Variants in BEAN1 observed in about 807,000 individuals in gnomAD.
BEAN1 encodes the protein protein BEAN1.
BEAN1 carries 17 observed loss-of-function variants against 17.7 expected under a neutral mutation model. The ratio of observed to expected loss-of-function variants is 0.96; its 90% confidence interval spans 0.66 to 1.44. The LOEUF (loss-of-function observed/expected upper bound fraction) is 1.44, where lower values mean the gene tolerates loss of function less well. Ranked by LOEUF, BEAN1 falls within the 40% of genes most tolerant of loss-of-function variation. The probability of loss-of-function intolerance (pLI) is 0.00; values close to 1 mark genes in which losing one functional copy is unlikely to be tolerated. For synonymous variants in BEAN1, 142 were observed against 151.8 expected (o/e 0.94, Z 0.47); for missense variants, 359 against 374.1 (o/e 0.96, Z 0.33).
At chr16:66,444,190 C>T (rs1333540037) in intron 2 of BEAN1, among the ~76,000 whole-genome samples, 1 of 152,184 alleles carries the variant, frequency 6.6e-6, no homozygotes, top group East Asian at 1.9e-4. Context: ...GGCTCTTCCC[C>T]TGTGTCCACC....
intron 2 of BEAN1, among the ~76,000 whole-genome samples, chr16:66,454,052 G>A (rs1962777943): frequency 1.3e-5 from 2 of 152,078 alleles, no homozygotes; most frequent in African/African-American, 4.8e-5. Flanking sequence ...TAAGTAGTTG[G>A]GGTTTTCCCG....
At chr16:66,464,730 T>C (rs1963204423) in intron 2 of BEAN1, among the ~76,000 whole-genome samples, 2 of 152,364 alleles carry the variant, frequency 1.3e-5, no homozygotes, top group Admixed American at 6.5e-5. Flanking sequence ...ATAAATATAT[T>C]ATTGATTTTT....
At position 66,480,646 on chromosome 16, in the gene BEAN1, A is replaced by G. The variant is rs141546513; in HGVS notation, c.501A>G (p.Pro167=). ...TQLYVPTDAP[P]PYSLTDSCPT... is the part of the protein sequence containing the mutation. Reference sequence around the variant, plus strand: ...TGTATGTCCCCACGGACGCACCACCACCCTACTCGCTGACTGATTCCTGCC... The same window carrying G: ...TGTATGTCCCCACGGACGCACCACCGCCCTACTCGCTGACTGATTCCTGCC... The change falls in exon 5 of 5, where the codon CCA becomes CCG. Residue 167 remains proline (P), a synonymous_variant. Coordinates refer to ENST00000536005, the MANE Select transcript of BEAN1 (RefSeq NM_001178020.3). The G allele has an allele frequency of 1.4e-3, 2,168 of 1,551,428 alleles. 3 individuals carry two copies. Among genetic ancestry groups the G allele is most frequent in the Non-Finnish European group, 1.8e-3 (2,016 of 1,146,836 alleles).
intron 3 of BEAN1, among the ~76,000 whole-genome samples, chr16:66,470,505 G>C (rs1368525332): frequency 6.6e-6 from 1 of 152,162 alleles, no homozygotes; most frequent in East Asian, 1.9e-4. Flanking sequence ...GGAATGGAAA[G>C]ATAAATAGGT....
Position 66,469,883 on chromosome 16 carries a change from C to T in BEAN1, c.289+18C>T. On this transcript the variant is annotated intron_variant, in intron 3 of 4. Transcript: ENST00000536005. ...CGGCTACGGTGAGCCGCCGCCCACC[C>T]TGGGGCCCTGGGACCTCATCTGACT... 6.5e-7 allele frequency: 1 copy of T among 1,529,736 alleles called. No homozygotes were observed. Among genetic ancestry groups the T allele is most frequent in the Non-Finnish European group, 8.7e-7 (1 of 1,143,888 alleles). 94.8% of individuals were successfully genotyped at this position (1,529,736 alleles called of 1,614,324 possible).
intron 4 of BEAN1, among the ~76,000 whole-genome samples, chr16:66,491,961 G>A (rs1294257989): frequency 6.6e-6 from 1 of 152,194 alleles, no homozygotes; most frequent in African/African-American, 2.4e-5. Context: ...GAGGAAAGAT[G>A]AACCAAGGTG....
rs751427092 is a variant in BEAN1 at position 66,471,124 on chromosome 16, G to C, written c.289+1259G>C. On this transcript the variant is annotated intron_variant, in intron 3 of 4. Transcript: ENST00000536005. This position sits in a 1 kb window ranked among gnomAD's most constrained non-coding sequence, Gnocchi z 4.7. ...TTTTAAAATAGATTGAATTGGATCC[G>C]ATCAGCCCTGGCCTTTGGGGCCCCT... Among the ~76,000 whole-genome samples, 3 of 152,236 alleles carry C rather than the reference G, an allele frequency of 2.0e-5. No individual in the cohort carries two copies. The highest frequency in any genetic ancestry group is 2.0e-4 in the Admixed American group (3 of 15,280).
At chr16:66,441,858 C>G (rs1054133565) in intron 2 of BEAN1, among the ~76,000 whole-genome samples, 1 of 152,166 alleles carries the variant, frequency 6.6e-6, no homozygotes, top group Admixed American at 6.5e-5. Flanking sequence ...GGGCTGACCC[C>G]TCCTAGGCAC....
chr16:66,446,828 TTC>T (rs1233979507), intron 2 of BEAN1, among the ~76,000 whole-genome samples: 4 of 152,064 alleles, frequency 2.6e-5, no homozygotes, highest in Non-Finnish European at 4.4e-5. Flanking sequence ...GTAAGGACAT[TTC>T]TGTTTCTCTG....
intron 2 of BEAN1, among the ~76,000 whole-genome samples, chr16:66,465,344 G>A (rs1294925212): frequency 6.6e-6 from 1 of 152,100 alleles, no homozygotes; most frequent in East Asian, 1.9e-4. Context: ...ATATTGTTCT[G>A]TAATTTTCTT....
chr16:66,443,907 G>C (rs6416691), intron 2 of BEAN1, among the ~76,000 whole-genome samples: 75,136 of 151,824 alleles, frequency 0.49, 19,404 homozygotes, highest in African/African-American at 0.6. Context: ...AACTCCTGGC[G>C]TCAAGTGATC....
At chr16:66,453,217 C>A (rs1199582423) in intron 2 of BEAN1, among the ~76,000 whole-genome samples, 1 of 151,912 alleles carries the variant, frequency 6.6e-6, no homozygotes, top group Admixed American at 6.6e-5. Flanking sequence ...CAAGTCGAGG[C>A]CTTTCTTCTT....
intron 2 of BEAN1, among the ~76,000 whole-genome samples, chr16:66,469,361 G>A (rs1963377299): frequency 1.3e-5 from 2 of 152,316 alleles, no homozygotes; most frequent in Admixed American, 1.3e-4. Flanking sequence ...CAGCTTGTGG[G>A]CAGAGGCTTC....
At chr16:66,449,844 T>C (rs577224733) in intron 2 of BEAN1, among the ~76,000 whole-genome samples, 34 of 151,996 alleles carry the variant, frequency 2.2e-4, no homozygotes, top group African/African-American at 6.3e-4. Context: ...TGTGAGGGAG[T>C]AGGATGATCA....
At chr16:66,492,348 A>G (rs981562235) in intron 4 of BEAN1, among the ~76,000 whole-genome samples, 4 of 150,904 alleles carry the variant, frequency 2.7e-5, no homozygotes, top group African/African-American at 9.7e-5. Context: ...GGCCCCTACC[A>G]GAGTTTTAAT....
intron 2 of BEAN1, among the ~76,000 whole-genome samples, chr16:66,452,787 C>G (rs1962722090): frequency 6.6e-6 from 1 of 152,152 alleles, no homozygotes; most frequent in Non-Finnish European, 1.5e-5. Context: ...GTGGCAGACT[C>G]ACTTACCCCA....
intron 2 of BEAN1, among the ~76,000 whole-genome samples, chr16:66,459,442 C>T (rs539675022): frequency 6.6e-6 from 1 of 152,156 alleles, no homozygotes; most frequent in African/African-American, 2.4e-5. Context: ...GCCTCAGCTT[C>T]CCGAGTAGCT....
intron 2 of BEAN1, among the ~76,000 whole-genome samples, chr16:66,441,937 C>G (rs1252032648): frequency 6.6e-6 from 1 of 152,202 alleles, no homozygotes; most frequent in African/African-American, 2.4e-5. Context: ...CATCCCTGCC[C>G]CTCATGGAGA....
At chr16:66,440,637 G>A (rs1430801301) in intron 2 of BEAN1, among the ~76,000 whole-genome samples, 2 of 152,160 alleles carry the variant, frequency 1.3e-5, no homozygotes, top group Non-Finnish European at 2.9e-5. Context: ...CGCCCTTCTC[G>A]CTGTGCATGC....
Sources: allele counts gnomAD v4.1 joint callset (sites outside exome capture counted in the v4.1 genomes callset), GRCh38; gene constraint gnomAD v4.1.1; non-coding constraint Gnocchi (gnomAD v3.1); transcripts MANE v1.5; gene names NCBI Gene and HGNC (gene_info 2026-07-23, HGNC 2026-07-21).